Variants in ESRRG observed in about 807,000 individuals in gnomAD.
ESRRG encodes the protein estrogen related receptor gamma, also known as estrogen-related receptor gamma.
A neutral mutation model predicts 44.0 loss-of-function variants in ESRRG; 13 were observed. The observed-to-expected ratio is 0.30, with a 90% CI of 0.19 to 0.47. The LOEUF is 0.47. Among genes scored for constraint, ESRRG ranks in the 20% least tolerant of loss-of-function variants. The probability of loss-of-function intolerance (pLI) is 1.00; values close to 1 mark genes in which losing one functional copy is unlikely to be tolerated. For synonymous variants in ESRRG, 215 were observed against 214.6 expected (o/e 1.00, Z -0.02); for missense variants, 395 against 580.6 (o/e 0.68, Z 3.29).
chr1:216,661,881 G>A (rs912803652), intron 2 of ESRRG, among the ~76,000 whole-genome samples: 4 of 152,260 alleles, frequency 2.6e-5, no homozygotes, highest in Middle Eastern at 6.8e-3. Flanking sequence ...TAAGCTGTAG[G>A]AGGCAGTATA....
intron 2 of ESRRG, among the ~76,000 whole-genome samples, chr1:216,847,462 T>C (rs1402316062): frequency 6.6e-6 from 1 of 152,120 alleles, no homozygotes; most frequent in East Asian, 1.9e-4. Flanking sequence ...ACATTTTAAT[T>C]CCCAAAATGA....
chr1:216,803,629 G>A (rs2148343592), intron 2 of ESRRG, among the ~76,000 whole-genome samples: 1 of 152,182 alleles, frequency 6.6e-6, no homozygotes, highest in African/African-American at 2.4e-5. Context: ...GGGGGTTTTG[G>A]TGGTGTATTC....
At chr1:216,606,841 G>T (rs910609928) in intron 3 of ESRRG, among the ~76,000 whole-genome samples, 1 of 152,110 alleles carries the variant, frequency 6.6e-6, no homozygotes, top group Non-Finnish European at 1.5e-5. Context: ...ACTCTTCATT[G>T]TTCATATATT....
At chr1:216,785,094 T>TAACA (rs1049507494) in intron 2 of ESRRG, among the ~76,000 whole-genome samples, 31 of 152,078 alleles carry the variant, frequency 2.0e-4, no homozygotes, top group African/African-American at 7.5e-4. Context: ...AGTAGAGTAT[T>TAACA]AACAAGACTT....
At chr1:216,555,531 T>C (rs2057353384) in intron 5 of ESRRG, among the ~76,000 whole-genome samples, 2 of 102,528 alleles carry the variant, frequency 2.0e-5, no homozygotes, top group Admixed American at 2.3e-4. Flanking sequence ...ACAGGTGCCC[T>C]CTTTAAAAAA....
In ESRRG at chr1:216,565,984, G is replaced by GTTT. The variant is rs5780895; in HGVS notation, c.701-1607_701-1605dup. ...TCCGAAAGTAATCATGATTCTAGTT[G>GTTT]TTTTTTTTTTAGTACAGGGAACATA... On this transcript the variant is annotated intron_variant, in intron 4 of 6. Transcript: ENST00000408911. Among the ~76,000 whole-genome samples, 1,494 of 149,580 alleles carry GTTT rather than the reference G, an allele frequency of 1.0e-2. 10 individuals carry two copies. The highest frequency in any genetic ancestry group is 0.016 in the Non-Finnish European group (1,107 of 67,376).
intron 5 of ESRRG, among the ~76,000 whole-genome samples, chr1:216,547,501 AATT>A (rs2054910530): frequency 3.8e-5 from 3 of 78,650 alleles, no homozygotes; most frequent in African/African-American, 9.4e-5. Flanking sequence ...TCCCAGGTAC[AATT>A]AATTGTCCAG....
chr1:216,512,623 A>G (rs1012192161), intron 6 of ESRRG, among the ~76,000 whole-genome samples: 5 of 152,126 alleles, frequency 3.3e-5, no homozygotes, highest in Non-Finnish European at 7.4e-5. Context: ...GGAACAAGAC[A>G]CTTGAAGGGC....
intron 2 of ESRRG, among the ~76,000 whole-genome samples, chr1:216,906,029 G>A (rs533068814): frequency 6.6e-6 from 1 of 152,232 alleles, no homozygotes; most frequent in Non-Finnish European, 1.5e-5. Flanking sequence ...GGGATTACAG[G>A]CATGAGCCAC....
chr1:216,557,416 T>G (rs1352014669), intron 5 of ESRRG, among the ~76,000 whole-genome samples: 2 of 152,052 alleles, frequency 1.3e-5, no homozygotes, highest in African/African-American at 4.8e-5. Context: ...AAGCCACTGT[T>G]AAAAAACCAA....
chr1:216,652,976 GA>G (rs11572704), intron 2 of ESRRG, among the ~76,000 whole-genome samples: 24,619 of 149,150 alleles, frequency 0.17, 2,539 homozygotes, highest in South Asian at 0.33. Context: ...CAGAAAGAAA[GA>G]AAAAAAAAAG....
chr1:216,840,320 C>T (rs2095632147), intron 2 of ESRRG, among the ~76,000 whole-genome samples: 1 of 152,196 alleles, frequency 6.6e-6, no homozygotes, highest in Non-Finnish European at 1.5e-5. Flanking sequence ...ATCTTTTCTT[C>T]TGCAGCTTCC....
intron 5 of ESRRG, among the ~76,000 whole-genome samples, chr1:216,538,752 A>G (rs931187151): frequency 1.3e-5 from 2 of 152,102 alleles, no homozygotes; most frequent in African/African-American, 4.8e-5. Context: ...CATGCACCCA[A>G]TTAACAGCAA....
At chr1:216,715,067 C>T (rs779169819) in intron 1 of ESRRG, 3 of 985,218 alleles carry the variant, frequency 3.0e-6, no homozygotes, top group African/African-American at 1.7e-5. Flanking sequence ...CGGCCACATG[C>T]TCCCACCTGA....
At chr1:217,131,106 G>A (rs1229075664) in intron 1 of ESRRG, among the ~76,000 whole-genome samples, 1 of 152,146 alleles carries the variant, frequency 6.6e-6, no homozygotes, top group African/African-American at 2.4e-5. Flanking sequence ...ACATAATTCT[G>A]AAGAAGTATG....
rs73101276 is a variant in ESRRG, at chr1:217,086,125, A to G, written c.-106+3382T>C. On this transcript the variant is annotated intron_variant, in intron 1 of 7. Transcript: ENST00000359162. ...TCATTACTTCAAAACGACAGACTCT[A>G]TTGTTCATGGAAAAATTTTCAGTTG... Among the ~76,000 whole-genome samples the G allele has an allele frequency of 3.7e-3, 568 of 152,300 alleles. 5 individuals carry two copies. Among genetic ancestry groups the G allele is most frequent in the African/African-American group, 0.013 (529 of 41,564 alleles).
intron 1 of ESRRG, among the ~76,000 whole-genome samples, chr1:216,953,944 G>A (rs1351361449): frequency 6.6e-6 from 1 of 151,754 alleles, no homozygotes; most frequent in Non-Finnish European, 1.5e-5. Context: ...AGACTAGTAA[G>A]AAGGAAAACA....
At chr1:216,921,461 T>C (rs2061836109) in intron 2 of ESRRG, among the ~76,000 whole-genome samples, 1 of 152,144 alleles carries the variant, frequency 6.6e-6, no homozygotes, top group African/African-American at 2.4e-5. Flanking sequence ...TTCCTGACAA[T>C]GGACTGCGAA....
chr1:216,868,416 G>A (rs938614084), intron 2 of ESRRG, among the ~76,000 whole-genome samples: 5 of 152,090 alleles, frequency 3.3e-5, no homozygotes. Context: ...TATTATTGCT[G>A]AGTAGTGTTT....
Sources: allele counts gnomAD v4.1 joint callset (sites outside exome capture counted in the v4.1 genomes callset), GRCh38; gene constraint gnomAD v4.1.1; transcripts MANE v1.5; gene names NCBI Gene and HGNC (gene_info 2026-07-23, HGNC 2026-07-21).